C1GALT1: variants seen among roughly 807,000 people sequenced by gnomAD.
C1GALT1 encodes glycoprotein-N-acetylgalactosamine 3-beta-galactosyltransferase 1.
In C1GALT1, 11 loss-of-function variants were observed where a neutral mutation model predicts 31.0. The ratio of observed to expected loss-of-function variants is 0.36; its 90% confidence interval spans 0.22 to 0.59. C1GALT1 has a LOEUF of 0.59. Among genes scored for constraint, C1GALT1 ranks in the 20% least tolerant of loss-of-function variants. The pLI, the probability that C1GALT1 is intolerant of heterozygous loss-of-function variation, is 0.79. For synonymous variants in C1GALT1, 175 were observed against 143.6 expected (o/e 1.22, Z -1.56); for missense variants, 424 against 425.2 (o/e 1.00, Z 0.03).
chr7:7,179,808 T>C (rs1562555090), upstream of C1GALT1, among the ~76,000 whole-genome samples: 7 of 146,874 alleles, frequency 4.8e-5, no homozygotes. Flanking sequence ...TTTGTTATTA[T>C]GGGTGAAATA....
intron 1 of C1GALT1, among the ~76,000 whole-genome samples, chr7:7,231,014 C>G (rs375633373): frequency 6.6e-6 from 1 of 152,150 alleles, no homozygotes; most frequent in African/African-American, 2.4e-5. Flanking sequence ...ATCTGAAATT[C>G]TTTTCCTTCT....
chr7:7,218,252 A>G (rs767427406), intron 1 of C1GALT1, among the ~76,000 whole-genome samples: 12 of 152,240 alleles, frequency 7.9e-5, no homozygotes, highest in Non-Finnish European at 1.5e-4. Context: ...TCTTGGAGAA[A>G]GGCTCAGTGT....
chr7:7,178,814 T>C (rs1027999479), upstream of C1GALT1, among the ~76,000 whole-genome samples: 4 of 152,246 alleles, frequency 2.6e-5, no homozygotes, highest in Non-Finnish European at 5.9e-5. Context: ...TCCAGCTGTA[T>C]GAGTTACCTA....
intron 1 of C1GALT1, among the ~76,000 whole-genome samples, chr7:7,227,133 G>C (rs1782801160): frequency 6.6e-6 from 1 of 152,028 alleles, no homozygotes; most frequent in Non-Finnish European, 1.5e-5. Context: ...GTGACATTCA[G>C]ATTTTTTAGA....
At chr7:7,212,882 C>T (rs993139896) in intron 1 of C1GALT1, among the ~76,000 whole-genome samples, 3 of 152,168 alleles carry the variant, frequency 2.0e-5, no homozygotes, top group African/African-American at 7.2e-5. Flanking sequence ...GGGAATGTCA[C>T]GATGGCTTGA....
chr7:7,247,174 A>G lies in C1GALT1; in HGVS notation c.*3447A>G, dbSNP rs1265423372. ...AATTCATTCTGTTTTGTGTGACCTA[A>G]TAAAGCAAAAGAAAAATAAAAAAGC... On this transcript the variant is annotated 3_prime_UTR_variant, in exon 4 of 4. Coordinates refer to ENST00000436587, the MANE Select transcript of C1GALT1 (RefSeq NM_020156.5). 1 of 152,220 alleles carries G rather than the reference A, an allele frequency of 6.6e-6. No homozygotes were observed. Among genetic ancestry groups the G allele is most frequent in the African/African-American group, 2.4e-5 (1 of 41,464 alleles). The allele number at this position is 152,220 out of a possible 1,614,324, so 9.4% of individuals were successfully genotyped here. A position where few individuals can be genotyped will look rare whatever the true frequency, so the allele number is the denominator to read the frequency against.
chr7:7,190,795 C>G (rs1466357575), intron 1 of C1GALT1, among the ~76,000 whole-genome samples: 3 of 152,088 alleles, frequency 2.0e-5, no homozygotes, highest in Non-Finnish European at 2.9e-5. Context: ...ATGCCCCTTT[C>G]CAGAATTTCC....
chr7:7,235,942 G>C (rs1270391286), intron 2 of C1GALT1, among the ~76,000 whole-genome samples: 1 of 152,118 alleles, frequency 6.6e-6, no homozygotes, highest in South Asian at 2.1e-4. Flanking sequence ...CAGGCCTTCA[G>C]CTATACCCAT....
intron 1 of C1GALT1, among the ~76,000 whole-genome samples, chr7:7,217,620 AAACTT>A (rs1326055535): frequency 1.8e-4 from 28 of 152,364 alleles, no homozygotes; most frequent in African/African-American, 6.5e-4. Flanking sequence ...AAACTATTGA[AAACTT>A]AAGAGGTGTA....
chr7:7,192,500 C>T (rs1474213288), intron 1 of C1GALT1, among the ~76,000 whole-genome samples: 6 of 151,862 alleles, frequency 4.0e-5, no homozygotes, highest in Non-Finnish European at 5.9e-5. Context: ...AGTAGTATTC[C>T]GTGGTGTGTG....
At chr7:7,207,536 G>A (rs540510371) in intron 1 of C1GALT1, among the ~76,000 whole-genome samples, 7 of 150,676 alleles carry the variant, frequency 4.6e-5, no homozygotes, top group African/African-American at 1.7e-4. Context: ...TCTTAACTTG[G>A]TCCACATTTT....
At chr7:7,230,771 G>GTT (rs765314293) in intron 1 of C1GALT1, among the ~76,000 whole-genome samples, 6 of 141,780 alleles carry the variant, frequency 4.2e-5, no homozygotes, top group Admixed American at 1.4e-4. Context: ...TTATTAATCA[G>GTT]TTTTTTTTTT....
intron 1 of C1GALT1, among the ~76,000 whole-genome samples, chr7:7,230,201 T>C (rs1278178432): frequency 6.6e-6 from 1 of 152,228 alleles, no homozygotes; most frequent in African/African-American, 2.4e-5. Context: ...AATATGAATA[T>C]ATTAAGTATG....
chr7:7,188,770 CT>C (rs35792264), intron 1 of C1GALT1, among the ~76,000 whole-genome samples: 27,244 of 151,866 alleles, frequency 0.18, 2,971 homozygotes, highest in East Asian at 0.37. Flanking sequence ...AAAAATAAAC[CT>C]TTTATCTTAT....
At chr7:7,175,232 T>A (rs1211428333) in intron 2 of C1GALT1, among the ~76,000 whole-genome samples, 1 of 152,258 alleles carries the variant, frequency 6.6e-6, no homozygotes, top group African/African-American at 2.4e-5. Flanking sequence ...TGGAAGACTC[T>A]GTCCCTTAGC....
intron 3 of C1GALT1, among the ~76,000 whole-genome samples, chr7:7,240,179 T>A (rs976928132): frequency 7.9e-5 from 12 of 152,212 alleles, no homozygotes; most frequent in Non-Finnish European, 1.3e-4. Flanking sequence ...TCTGGAGACA[T>A]TTTTGGTTGT....
rs191845889 is a variant in C1GALT1 at position 7,166,159 on chromosome 7, A to G, written c.-18+8733A>G. On this transcript the variant is annotated intron_variant, in intron 2 of 3. Transcript: ENST00000429911. ...TTTATCATGAGAAAAACCAAGACTC[A>G]GGGAGAATAATTAGGTTTCCTAAGC... is the stretch of plus-strand genomic sequence containing the variant. Among the ~76,000 whole-genome samples, 118 of 152,292 alleles carry G rather than the reference A, an allele frequency of 7.7e-4. 1 individual carries two copies. The highest frequency in any genetic ancestry group is 2.8e-3 in the African/African-American group (116 of 41,574).
chr7:7,230,099 C>G (rs1782996147), intron 1 of C1GALT1, among the ~76,000 whole-genome samples: 1 of 152,064 alleles, frequency 6.6e-6, no homozygotes, highest in African/African-American at 2.4e-5. Context: ...CAGGAGAGAG[C>G]CTGAAATATA....
At chr7:7,188,213 G>C (rs74576164) in intron 1 of C1GALT1, among the ~76,000 whole-genome samples, 5,023 of 152,254 alleles carry the variant, frequency 0.033, 186 homozygotes, top group African/African-American at 0.092. Context: ...AAGAATATCT[G>C]TGTACTTTGT....
Sources: allele counts gnomAD v4.1 joint callset (sites outside exome capture counted in the v4.1 genomes callset), GRCh38; gene constraint gnomAD v4.1.1; transcripts MANE v1.5; gene names NCBI Gene and HGNC (gene_info 2026-07-23, HGNC 2026-07-21).